SLC14A2: variants seen among roughly 807,000 people sequenced by gnomAD.
The protein encoded by SLC14A2 is urea transporter 2.
A neutral mutation model predicts 104.6 loss-of-function variants in SLC14A2; 91 were observed. The ratio of observed to expected loss-of-function variants is 0.87; its 90% confidence interval spans 0.73 to 1.04. The LOEUF (loss-of-function observed/expected upper bound fraction) is 1.04. Ranked by LOEUF, SLC14A2 falls within the 50% of genes least tolerant of loss-of-function variation. The pLI is 0.00. For missense variants in SLC14A2, 1,189 were observed against 1,156.0 expected, an observed-to-expected ratio of 1.03 and a Z score of -0.41; for synonymous variants, 476 against 466.4, an observed-to-expected ratio of 1.02 and a Z score of -0.27.
intron 1 of SLC14A2, among the ~76,000 whole-genome samples, chr18:45,381,603 A>G (rs1469614215): frequency 5.3e-5 from 8 of 152,166 alleles, no homozygotes. Context: ...GTTTTTGTTG[A>G]TCCAATTATA....
At chr18:45,673,448 C>T (rs564512220) in intron 17 of SLC14A2, among the ~76,000 whole-genome samples, 1 of 152,298 alleles carries the variant, frequency 6.6e-6, no homozygotes, top group South Asian at 2.1e-4. Context: ...GACTTCTGTC[C>T]TTACTCAAAG....
chr18:45,233,733 T>C (rs2144026807), intron 1 of SLC14A2, among the ~76,000 whole-genome samples: 1 of 151,828 alleles, frequency 6.6e-6, no homozygotes, highest in South Asian at 2.1e-4. Context: ...TCCAAAGTGC[T>C]CATCACTTTC....
intron 1 of SLC14A2, among the ~76,000 whole-genome samples, chr18:45,397,401 T>A (rs2086046617): frequency 6.6e-6 from 1 of 152,242 alleles, no homozygotes. Flanking sequence ...GACTTGCATT[T>A]GTCTAATGCT....
intron 2 of SLC14A2, among the ~76,000 whole-genome samples, chr18:45,548,322 G>T (rs1257173589): frequency 6.6e-6 from 1 of 152,206 alleles, no homozygotes. Flanking sequence ...ACTTCCTTCA[G>T]TGAGGAAGAA....
intron 1 of SLC14A2, among the ~76,000 whole-genome samples, chr18:45,414,744 T>TAAAAAAAAA (rs531366886): frequency 0.012 from 649 of 51,998 alleles, 29 homozygotes; most frequent in Middle Eastern, 0.06. Flanking sequence ...GCACCGAGCG[T>TAAAAAAAAA]AAAAAAAAAA....
intron 6 of SLC14A2, among the ~76,000 whole-genome samples, chr18:45,637,453 G>A (rs550633331): frequency 4.6e-5 from 7 of 152,266 alleles, no homozygotes; most frequent in South Asian, 2.1e-4. Context: ...CATTCTATAC[G>A]GGGAAACAGA....
chr18:45,309,017 A>G (rs2085051859), intron 1 of SLC14A2, among the ~76,000 whole-genome samples: 1 of 152,178 alleles, frequency 6.6e-6, no homozygotes, highest in South Asian at 2.1e-4. Context: ...TTCTCCTGGC[A>G]TTATTTCTAC....
At chr18:45,366,814 T>C (rs1027538187) in intron 1 of SLC14A2, among the ~76,000 whole-genome samples, 6 of 152,220 alleles carry the variant, frequency 3.9e-5, no homozygotes, top group Non-Finnish European at 8.8e-5. Flanking sequence ...AGGCTGCTGA[T>C]GGACTGGATG....
intron 1 of SLC14A2, among the ~76,000 whole-genome samples, chr18:45,234,201 A>G (rs2144028239): frequency 6.6e-6 from 1 of 152,312 alleles, no homozygotes; most frequent in South Asian, 2.1e-4. Context: ...CTCCTGGGCT[A>G]AGAATATGGA....
At chr18:45,213,843 G>A (rs1375820085) in intron 1 of SLC14A2, among the ~76,000 whole-genome samples, 3 of 152,118 alleles carry the variant, frequency 2.0e-5, no homozygotes, top group Non-Finnish European at 4.4e-5. Flanking sequence ...CATGATTCTC[G>A]CTTTCCCATC....
At chr18:45,291,563 G>A (rs1159621003) in intron 1 of SLC14A2, among the ~76,000 whole-genome samples, 2 of 152,186 alleles carry the variant, frequency 1.3e-5, no homozygotes, top group Non-Finnish European at 2.9e-5. Context: ...AACCATGCCA[G>A]TGTCCTCAGA....
intron 1 of SLC14A2, among the ~76,000 whole-genome samples, chr18:45,272,091 G>A (rs2084657204): frequency 6.6e-6 from 1 of 151,842 alleles, no homozygotes; most frequent in Non-Finnish European, 1.5e-5. Flanking sequence ...AAACTGAATA[G>A]CCATATGCTG....
chr18:45,654,955 G>A (rs2045807915), intron 10 of SLC14A2, among the ~76,000 whole-genome samples: 1 of 152,194 alleles, frequency 6.6e-6, no homozygotes, highest in Non-Finnish European at 1.5e-5. Context: ...TCTGGCTAAT[G>A]AGATAGAGCT....
rs570009168 is a variant in SLC14A2 at position 45,590,278 on chromosome 18, G to A, written c.-34-34353G>A. On this transcript the variant is annotated intron_variant, in intron 2 of 20. Transcript: ENST00000586448. Reference sequence around the variant, plus strand: ...TAAATGAGATAGAGAGCTTCACTGCGGGTGCTGGCTCTCCTTGCCTCAGAT... The same window carrying A: ...TAAATGAGATAGAGAGCTTCACTGCAGGTGCTGGCTCTCCTTGCCTCAGAT... 3.3e-3 allele frequency among the ~76,000 whole-genome samples: 505 copies of A among 152,184 alleles called. 10 individuals are homozygous for A. Among genetic ancestry groups the A allele is most frequent in the Non-Finnish European group, 5.9e-4 (40 of 68,010 alleles).
the SLC14A2 span, among the ~76,000 whole-genome samples, chr18:45,196,194 T>TAATTCA: frequency 2.1e-4 from 32 of 152,376 alleles, no homozygotes; most frequent in African/African-American, 7.7e-4. Flanking sequence ...TAATTCAGTA[T>TAATTCA]GTACACAGAA....
chr18:45,636,845 A>T, intron 5 of SLC14A2, 145 bp from the exon 6 acceptor site: 1 of 623,956 alleles, frequency 1.6e-6, no homozygotes, highest in Non-Finnish European at 2.9e-6. Flanking sequence ...CCTATCCCAG[A>T]TCATTGGAAC....
intron 1 of SLC14A2, among the ~76,000 whole-genome samples, chr18:45,623,001 G>A (rs752899459): frequency 6.6e-5 from 10 of 152,264 alleles, no homozygotes; most frequent in Middle Eastern, 3.4e-3. Context: ...GGTTTATCCC[G>A]GCTGGAATTT....
At chr18:45,558,301 T>A (rs2144303136) in intron 2 of SLC14A2, among the ~76,000 whole-genome samples, 1 of 152,342 alleles carries the variant, frequency 6.6e-6, no homozygotes, top group South Asian at 2.1e-4. Context: ...CTGGAAAGCA[T>A]CACTTATGTC....
rs79284447 is a variant in SLC14A2 at position 45,339,723 on chromosome 18, T to C, written c.-125+126532T>C. 1.4e-4 allele frequency among the ~76,000 whole-genome samples: 21 copies of C among 152,266 alleles called. No homozygotes were observed. In the East Asian group the frequency reaches 3.5e-3, roughly 25 times the overall value. ...TGGGAAGAAAGGAAAGAGCAGGTTG[T>C]GTGGGCAGGTTTTTGGCAGATTGGT... On this transcript the variant is annotated intron_variant, in intron 1 of 20. Transcript: ENST00000586448.
Sources: allele counts gnomAD v4.1 joint callset (sites outside exome capture counted in the v4.1 genomes callset), GRCh38; gene constraint gnomAD v4.1.1; transcripts MANE v1.5; gene names NCBI Gene and HGNC (gene_info 2026-07-23, HGNC 2026-07-21).